The following TAOK2 variants were observed in gnomAD, a reference collection of about 807,000 sequenced individuals.
TAOK2 encodes serine/threonine-protein kinase TAO2.
TAOK2 carries 42 observed loss-of-function variants against 122.5 expected under a neutral mutation model. That is an observed-to-expected ratio of 0.34 (90% CI 0.27 to 0.44). TAOK2 has a LOEUF of 0.44. TAOK2 is among the 20% of genes least tolerant of loss of function. The pLI is 1.00. For synonymous variants in TAOK2, 704 were observed against 677.6 expected (o/e 1.04, Z -0.61); for missense variants, 1,264 against 1,644.9 (o/e 0.77, Z 4.01).
At chr16:29,989,705 A>G (rs1200768058), downstream of TAOK2, 1 of 1,614,088 alleles carries the variant, frequency 6.2e-7, no homozygotes, top group Admixed American at 1.7e-5. Context: ...GCTCAGCACA[A>G]GAGCCTCCTT....
chr16:29,986,552 G>A lies in TAOK2; in HGVS notation c.2280G>A (p.Gly760=), dbSNP rs143859329. 6.2e-7 allele frequency: 1 copy of A among 1,613,852 alleles called. No homozygotes were observed. The highest frequency in any genetic ancestry group is 2.2e-5 in the East Asian group (1 of 44,880). The change falls in exon 16 of 16, where the codon GGG becomes GGA. Residue 760 remains glycine, a synonymous_variant. Coordinates refer to ENST00000308893, the MANE Select transcript of TAOK2 (RefSeq NM_016151.4). This position sits in a 1 kb window ranked among gnomAD's most constrained non-coding sequence, Gnocchi z 4.2. The part of the protein sequence containing the change: ...RPPGLPLPIP[G]ALGPPNTGTP... ...CGGGCCTTCCACTCCCCATTCCTGG[G>A]GCTCTGGGCCCACCCAACACAGGCA...
intron 8 of TAOK2, chr16:29,980,220 G>A (rs940939586): frequency 6.6e-6 from 1 of 152,234 alleles, no homozygotes; most frequent in Non-Finnish European, 1.5e-5. Context: ...CAGCACTATT[G>A]AAACAATTCT....
downstream of TAOK2, chr16:29,988,587 G>A (rs2069889511): frequency 1.2e-5 from 12 of 985,336 alleles, no homozygotes; most frequent in Non-Finnish European, 1.4e-5. Flanking sequence ...ACCGGCTCTG[G>A]GGTCTGGGCC....
chr16:29,981,795 C>A (rs2069625400), intron 9 of TAOK2, 41 bp downstream of exon 9: 1 of 1,611,534 alleles, frequency 6.2e-7, no homozygotes. Flanking sequence ...GGCGTTAGGC[C>A]ATGGGGTATG....
chr16:29,981,127 CAG>C (rs1327769240), intron 8 of TAOK2: 2 of 174,090 alleles, frequency 1.1e-5, no homozygotes, highest in African/African-American at 4.7e-5. Flanking sequence ...TTTCTAATCT[CAG>C]GGCTTTTTAC....
intron 12 of TAOK2, 81 bp downstream of exon 12, chr16:29,983,413 A>G: frequency 1.3e-6 from 2 of 1,561,506 alleles, no homozygotes; most frequent in Non-Finnish European, 1.7e-6. Context: ...TAAGTGCAGC[A>G]CTCCTCTGAG....
Position 29,983,607 on chromosome 16 carries a change from C to T in TAOK2, c.1365C>T (p.Arg455=), listed in dbSNP as rs759829660. 15 of 1,613,702 alleles carry T rather than the reference C, an allele frequency of 9.3e-6. No homozygotes were observed. Among genetic ancestry groups the T allele is most frequent in the African/African-American group, 6.7e-5 (5 of 74,936 alleles). ...PAPTSTTSSA[R]RRAYCRNRDH... ...CCACTTCCACCACCTCTTCCGCCCG[C>T]CGCCGGGCCTACTGCCGTAACCGAG... The change falls in exon 13 of 16, where the codon CGC becomes CGT. Residue 455 remains arginine (R), a synonymous_variant. Transcript: ENST00000308893.
In TAOK2 at chr16:29,986,991, G is replaced by A. The variant is rs2069820513; in HGVS notation, c.2719G>A (p.Glu907Lys). ...CCCTGAGGAGGAGGAAGAAGAGGAA[G>A]AGGGGGCTCCGATTGGGACCCCTAG... ...PVPEEEEEEE[E>K]GAPIGTPRDP... Residue 907 changes from glutamate (E) to lysine (K), a missense_variant, in exon 16 of 16, where the codon GAG (glutamate) becomes AAG (lysine). Transcript: ENST00000308893. This position sits in a 1 kb window ranked among gnomAD's most constrained non-coding sequence, Gnocchi z 4.2. 1 of 1,613,476 alleles carries A rather than the reference G, an allele frequency of 6.2e-7. No individual in the cohort carries two copies.
rs371637917 is a variant in TAOK2, at chr16:29,987,656, C to T, written c.3384C>T (p.Pro1128=). The change falls in exon 16 of 16, where the codon CCC becomes CCT. Residue 1128 remains proline (P), a synonymous_variant. Coordinates refer to ENST00000308893, the MANE Select transcript of TAOK2 (RefSeq NM_016151.4). ...AGGATGGCTTCCGCAGCCGCCTGCC[C>T]GTCCCTGGGCCCCGGCGGCGTAATC... ...TNKDGFRSRL[P]VPGPRRRNPR... The T allele has an allele frequency of 2.9e-5, 47 of 1,613,556 alleles. No individual in the cohort carries two copies. Among genetic ancestry groups the T allele is most frequent in the East Asian group, 1.3e-4 (6 of 44,886 alleles).
chr16:29,985,256 G>T lies in TAOK2; in HGVS notation c.1466G>T (p.Arg489Leu), dbSNP rs1192915734. 6.4e-7 allele frequency: 1 copy of T among 1,554,554 alleles called. No homozygotes were observed. Residue 489 changes from arginine (R) to leucine (L), a missense_variant, in exon 14 of 16, where the codon CGG becomes CTG. Arg to Leu is a moderately radical substitution (Grantham distance 102). Transcript: ENST00000308893. The surrounding 1 kb of genome is among the most constrained non-coding windows in gnomAD (Gnocchi z 6.9). ...IQEHEQDSAL[R>L]EQLSGYKRMR... ...GAGCATGAGCAGGACTCTGCGCTGC[G>T]GGAGCAGCTGAGCGGCTATAAGCGG...
At chr16:29,990,060 T>C, downstream of TAOK2, 1 of 442,684 alleles carries the variant, frequency 2.3e-6, no homozygotes, top group East Asian at 4.1e-5. Flanking sequence ...AGGAAAAGAG[T>C]GGCTATTATT....
chr16:29,983,032 C>T, intron 11 of TAOK2, 40 bp from the exon 12 acceptor site: 2 of 1,611,668 alleles, frequency 1.2e-6, no homozygotes, highest in Non-Finnish European at 1.7e-6. Flanking sequence ...TGCCCCAGGG[C>T]TTCCCCTTCC....
rs187564411 is a variant in TAOK2 at position 29,985,899 on chromosome 16, G to C, written c.1992+38G>C. On this transcript the variant is annotated intron_variant, in intron 15 of 15. Coordinates refer to ENST00000308893, the MANE Select transcript of TAOK2 (RefSeq NM_016151.4). The surrounding 1 kb of genome is among the most constrained non-coding windows in gnomAD (Gnocchi z 6.9). ...ATCTCTGTTCCCCTCCCGCTCACTC[G>C]TGGATCCCAGGGACCCACCCTTTTC... The C allele has an allele frequency of 6.3e-6, 10 of 1,593,306 alleles. No homozygotes were observed. The highest frequency in any genetic ancestry group is 8.6e-6 in the Non-Finnish European group (10 of 1,169,000).
At chr16:29,991,679 T>A, downstream of TAOK2, 1 of 1,308,692 alleles carries the variant, frequency 7.6e-7, no homozygotes, top group Non-Finnish European at 9.9e-7. The surrounding 1 kb of genome is among the most constrained non-coding windows in gnomAD (Gnocchi z 5.6). Flanking sequence ...AGATGTAGGC[T>A]CCAGCTCCCC....
downstream of TAOK2, chr16:29,989,362 T>A (rs2069910375): frequency 2.0e-6 from 2 of 985,100 alleles, no homozygotes; most frequent in Non-Finnish European, 2.4e-6. Flanking sequence ...TCCTGATCTC[T>A]CTCAACACGA....
intron 1 of TAOK2, among the ~76,000 whole-genome samples, chr16:29,975,265 C>T (rs528346877): frequency 6.6e-6 from 1 of 152,320 alleles, no homozygotes; most frequent in East Asian, 1.9e-4. Context: ...GACAGCCATT[C>T]TCTCATGTGA....
At position 29,985,943 on chromosome 16, in the gene TAOK2, C is replaced by T. The variant is rs2069776680; in HGVS notation, c.1992+82C>T. 5 of 1,477,898 alleles carry T rather than the reference C, an allele frequency of 3.4e-6. No individual in the cohort carries two copies. In the South Asian group the frequency reaches 3.7e-5, roughly 11 times the overall value. 91.5% of individuals were successfully genotyped at this position (1,477,898 alleles called of 1,614,324 possible). ...CCTTTTCCATTTTCCTCATTCTTGT[C>T]TTCTTTCTCCTTGGCCCTCGAGTGT... On this transcript the variant is annotated intron_variant, in intron 15 of 15. Coordinates refer to ENST00000308893, the MANE Select transcript of TAOK2 (RefSeq NM_016151.4). The surrounding 1 kb of genome is among the most constrained non-coding windows in gnomAD (Gnocchi z 6.9).
chr16:29,984,753 T>C (rs887204470), intron 13 of TAOK2, among the ~76,000 whole-genome samples: 2 of 152,126 alleles, frequency 1.3e-5, no homozygotes, highest in Non-Finnish European at 2.9e-5. Flanking sequence ...AGGCCGACCA[T>C]GTTTGCTGAA....
chr16:29,989,095 C>A, downstream of TAOK2: 18 of 985,342 alleles, frequency 1.8e-5, no homozygotes, highest in Non-Finnish European at 1.9e-5. Context: ...TGTGTCTGTC[C>A]TTAGTCGTGT....
Sources: allele counts gnomAD v4.1 joint callset (sites outside exome capture counted in the v4.1 genomes callset), GRCh38; gene constraint gnomAD v4.1.1; non-coding constraint Gnocchi (gnomAD v3.1); transcripts MANE v1.5; gene names NCBI Gene and HGNC (gene_info 2026-07-23, HGNC 2026-07-21).